MEI4: variants seen among roughly 807,000 people sequenced by gnomAD.
The protein encoded by MEI4 is meiosis-specific protein MEI4.
A neutral mutation model predicts 31.4 loss-of-function variants in MEI4; 27 were observed. The ratio of observed to expected loss-of-function variants is 0.86; its 90% CI spans 0.63 to 1.19. The LOEUF is 1.19. Ranked by LOEUF, MEI4 falls within the 50% of genes most tolerant of loss-of-function variation. MEI4 has a pLI of 0.00. For synonymous variants in MEI4, 122 were observed against 145.4 expected (o/e 0.84, Z 1.16); for missense variants, 329 against 398.9 (o/e 0.82, Z 1.49).
At chr6:77,905,066 T>C (rs1766263251) in intron 4 of MEI4, among the ~76,000 whole-genome samples, 1 of 152,280 alleles carries the variant, frequency 6.6e-6, no homozygotes, top group South Asian at 2.1e-4. Flanking sequence ...TTCACAATTT[T>C]TAAGACAGTT....
chr6:77,778,544 T>C (rs935182248), intron 3 of MEI4, among the ~76,000 whole-genome samples: 1 of 151,296 alleles, frequency 6.6e-6, no homozygotes, highest in Non-Finnish European at 1.5e-5. Context: ...CTACTAAAAA[T>C]ACAAAAAAAT....
At chr6:77,728,634 A>T (rs1321832356) in intron 2 of MEI4, among the ~76,000 whole-genome samples, 1 of 152,212 alleles carries the variant, frequency 6.6e-6, no homozygotes, top group African/African-American at 2.4e-5. Context: ...CAGGGCCACT[A>T]ATTTAGACTG....
At chr6:77,746,982 C>T (rs1470328228) in intron 2 of MEI4, among the ~76,000 whole-genome samples, 1 of 152,060 alleles carries the variant, frequency 6.6e-6, no homozygotes, top group Admixed American at 6.6e-5. Context: ...ACATTTGGTT[C>T]TATGAGTGTA....
At chr6:77,772,659 A>C (rs1582126609) in intron 3 of MEI4, among the ~76,000 whole-genome samples, 1 of 152,106 alleles carries the variant, frequency 6.6e-6, no homozygotes, top group African/African-American at 2.4e-5. Context: ...TAAGATCTGG[A>C]AGACAACAAG....
chr6:77,875,890 CTT>C (rs1468618054), intron 4 of MEI4, among the ~76,000 whole-genome samples: 1 of 152,086 alleles, frequency 6.6e-6, no homozygotes, highest in Non-Finnish European at 1.5e-5. Flanking sequence ...GAGTTGAAGT[CTT>C]TATTTTTTTG....
At chr6:77,830,180 C>T (rs1484903172) in intron 4 of MEI4, among the ~76,000 whole-genome samples, 2 of 152,044 alleles carry the variant, frequency 1.3e-5, no homozygotes, top group Non-Finnish European at 2.9e-5. Context: ...TTGAAAAATG[C>T]ATTTGAATTG....
chr6:77,728,745 AAC>A (rs1182533337), intron 2 of MEI4, among the ~76,000 whole-genome samples: 1 of 152,184 alleles, frequency 6.6e-6, no homozygotes, highest in Non-Finnish European at 1.5e-5. Context: ...AGTGAGCAGA[AAC>A]AGCCAGTGTG....
intron 2 of MEI4, among the ~76,000 whole-genome samples, chr6:77,731,638 T>A (rs1400534030): frequency 8.6e-5 from 13 of 151,378 alleles, no homozygotes; most frequent in Admixed American, 7.9e-4. Flanking sequence ...TTGAATTAGA[T>A]CCCATTTGTC....
At chr6:77,666,826 G>C (rs1365936363) in intron 1 of MEI4, among the ~76,000 whole-genome samples, 1 of 151,870 alleles carries the variant, frequency 6.6e-6, no homozygotes, top group Non-Finnish European at 1.5e-5. Context: ...TTATCTGTAA[G>C]TGCTTTTGGA....
At chr6:77,789,017 C>T (rs1454630998) in intron 3 of MEI4, among the ~76,000 whole-genome samples, 1 of 152,168 alleles carries the variant, frequency 6.6e-6, no homozygotes, top group East Asian at 1.9e-4. Context: ...TACAAGGCTA[C>T]AGTAACCAAA....
chr6:77,808,457 G>T lies in MEI4; in HGVS notation c.769-20474G>T, dbSNP rs143348878. On this transcript the variant is annotated intron_variant, in intron 3 of 4. Transcript: ENST00000684080. ...GGTATAGACTAGAAATCAGTGTGGA[G>T]ACCCTCAATGTCAAGAAGTATAGAA... 5.0e-3 allele frequency among the ~76,000 whole-genome samples: 763 copies of T among 152,226 alleles called. 2 individuals are homozygous for T. The highest frequency in any genetic ancestry group is 0.017 in the Middle Eastern group (5 of 294).
At chr6:77,917,982 A>G (rs999032395) in intron 4 of MEI4, among the ~76,000 whole-genome samples, 5 of 151,760 alleles carry the variant, frequency 3.3e-5, no homozygotes, top group Non-Finnish European at 5.9e-5. Flanking sequence ...AGCTTTCTAC[A>G]TATGGCTAGC....
chr6:77,691,739 A>G (rs919217552), intron 2 of MEI4, among the ~76,000 whole-genome samples: 1 of 151,892 alleles, frequency 6.6e-6, no homozygotes, highest in East Asian at 1.9e-4. Flanking sequence ...TTCTACTAGG[A>G]CCCTTGTGAG....
intron 3 of MEI4, among the ~76,000 whole-genome samples, chr6:77,828,662 C>T (rs1337417016): frequency 6.6e-6 from 1 of 152,094 alleles, no homozygotes; most frequent in African/African-American, 2.4e-5. Flanking sequence ...TGTATATAGC[C>T]TATTATCTAA....
intron 3 of MEI4, among the ~76,000 whole-genome samples, chr6:77,787,849 A>C (rs112978379): frequency 5.3e-5 from 8 of 152,286 alleles, no homozygotes; most frequent in African/African-American, 1.4e-4. Context: ...TCAAATAAAG[A>C]AATAGAAACC....
intron 1 of MEI4, among the ~76,000 whole-genome samples, chr6:77,663,756 A>C (rs2127643096): frequency 6.6e-6 from 1 of 152,132 alleles, no homozygotes; most frequent in South Asian, 2.1e-4. Flanking sequence ...TGTGAGAGTT[A>C]CCCGAAGCTC....
intron 4 of MEI4, among the ~76,000 whole-genome samples, chr6:77,867,331 A>G (rs937882196): frequency 4.6e-5 from 7 of 152,238 alleles, no homozygotes; most frequent in African/African-American, 1.7e-4. Context: ...CTCATCTGAC[A>G]AAGGGCTAAT....
rs1195450236 is a variant in MEI4, at chr6:77,924,520, C to CAGAT, written c.*1176_*1179dup. 1 of 151,790 alleles carries CAGAT rather than the reference C, an allele frequency of 6.6e-6. No individual in the cohort carries two copies. Among genetic ancestry groups the CAGAT allele is most frequent in the Admixed American group, 6.6e-5 (1 of 15,186 alleles). 9.4% of individuals were successfully genotyped at this position (151,790 alleles called of 1,614,324 possible). On this transcript the variant is annotated 3_prime_UTR_variant, in exon 5 of 5. Transcript: ENST00000684080. The stretch of plus-strand genomic sequence containing the variant: ...AGTGGCATACAACAATAATATTTCT[C>CAGAT]AGATATATGCAGGTCACTCAAGGAT...
At chr6:77,889,391 A>C (rs1400529157) in intron 4 of MEI4, among the ~76,000 whole-genome samples, 1 of 152,116 alleles carries the variant, frequency 6.6e-6, no homozygotes, top group African/African-American at 2.4e-5. Context: ...GCAAAGGTGA[A>C]TCTTGCTATA....
Sources: allele counts gnomAD v4.1 joint callset (sites outside exome capture counted in the v4.1 genomes callset), GRCh38; gene constraint gnomAD v4.1.1; transcripts MANE v1.5; gene names NCBI Gene and HGNC (gene_info 2026-07-23, HGNC 2026-07-21).